Variants in MALAT1 observed in about 807,000 individuals in gnomAD.
MALAT1 encodes the protein metastasis associated lung adenocarcinoma transcript 1, also known as hepcarcin.
chr11:65,504,699 C>T, intron 3 of MALAT1: 1 of 518,888 alleles, frequency 1.9e-6, no homozygotes, highest in Non-Finnish European at 3.8e-6. Context: ...TCCAAACAAG[C>T]AACAGTCTTC....
chr11:65,498,518 A>G (rs1218115712), intron 1 of MALAT1: 2 of 517,056 alleles, frequency 3.9e-6, no homozygotes, highest in Non-Finnish European at 7.7e-6. Context: ...CGAACAAAAA[A>G]GCAAAACGTG....
At chr11:65,503,714 TCTC>T (rs779680579) in exon 3 of MALAT1, 1 of 517,572 alleles carries the variant, frequency 1.9e-6, no homozygotes, top group Non-Finnish European at 3.9e-6. Context: ...GGGGGATTCT[TCTC>T]TAATCTTTCA....
chr11:65,500,258 G>C (rs779234085), exon 3 of MALAT1: 3 of 518,488 alleles, frequency 5.8e-6, no homozygotes, highest in Non-Finnish European at 1.2e-5. Context: ...TAGTAGCTTA[G>C]TTTGAAAAAT....
chr11:65,502,421 A>G, exon 3 of MALAT1: 1 of 503,950 alleles, frequency 2.0e-6, no homozygotes, highest in South Asian at 1.5e-5. Flanking sequence ...GTTGTGTGTA[A>G]GCAAGTTTTT....
chr11:65,498,145 GT>G (rs778378559), intron 1 of MALAT1: 3 of 518,948 alleles, frequency 5.8e-6, no homozygotes, highest in Non-Finnish European at 1.2e-5. Flanking sequence ...CCAGAGCAGT[GT>G]AAACACTTCT....
chr11:65,504,474 A>G (rs1358139395), intron 3 of MALAT1: 2 of 518,880 alleles, frequency 3.9e-6, no homozygotes, highest in Non-Finnish European at 7.7e-6. Flanking sequence ...TGCTTGGAGT[A>G]GTGATTGTTG....
chr11:65,498,847 A>G (rs1565673148), intron 2 of MALAT1: 2 of 518,572 alleles, frequency 3.9e-6, no homozygotes, highest in East Asian at 5.4e-5. Flanking sequence ...CACGCTAGTA[A>G]TTTAAGTATT....
At position 65,500,732 on chromosome 11, in the gene MALAT1, T is replaced by C. The variant is rs111827801; in HGVS notation, n.1995T>C. 146 of 519,012 alleles carry C rather than the reference T, an allele frequency of 2.8e-4. 1 individual carries two copies. Among genetic ancestry groups the C allele is most frequent in the Middle Eastern group, 2.2e-3 (7 of 3,146 alleles). 32.2% of individuals were successfully genotyped at this position (519,012 alleles called of 1,614,324 possible). A position where few individuals can be genotyped will look rare whatever the true frequency, so the allele number is the denominator to read the frequency against. On this transcript the variant is annotated non_coding_transcript_exon_variant, in exon 3 of 4. Transcript: ENST00000619449. The stretch of plus-strand genomic sequence containing the variant: ...AGAGGATCCTAGACCAGCATGCCAG[T>C]GTGCCAAGGCCACAGGGAAAGCGAG...
chr11:65,505,235 G>T (rs1281437762), intron 3 of MALAT1: 3 of 518,314 alleles, frequency 5.8e-6, no homozygotes, highest in African/African-American at 5.8e-5. Flanking sequence ...CAACCATGGA[G>T]CCTTCCTGTG....
At chr11:65,498,099 A>G (rs1158486719) in intron 1 of MALAT1, 2 of 518,974 alleles carry the variant, frequency 3.9e-6, no homozygotes, top group Admixed American at 3.9e-5. Flanking sequence ...GGCATAACAC[A>G]GAATCTGCAA....
intron 3 of MALAT1, chr11:65,505,247 C>T (rs779568862): frequency 5.0e-5 from 26 of 518,008 alleles, no homozygotes; most frequent in Admixed American, 4.3e-4. Flanking sequence ...CTTCCTGTGG[C>T]AGGAGAGACA....
intron 2 of MALAT1, chr11:65,498,754 G>T (rs1387885530): frequency 1.9e-6 from 1 of 518,846 alleles, no homozygotes; most frequent in Non-Finnish European, 3.8e-6. Context: ...AAGTTCCGGG[G>T]GTTTTGTGAG....
exon 3 of MALAT1, chr11:65,502,745 T>G: frequency 1.9e-6 from 1 of 516,190 alleles, no homozygotes; most frequent in Non-Finnish European, 3.9e-6. Flanking sequence ...CAGAAAAGAT[T>G]ATATGTCATA....
At chr11:65,501,280 C>A (rs767050133) in exon 3 of MALAT1, 1 of 517,178 alleles carries the variant, frequency 1.9e-6, no homozygotes, top group East Asian at 5.5e-5. Flanking sequence ...TCCCTTAGGT[C>A]TGTCTAGAAT....
At chr11:65,499,719 T>TA in exon 3 of MALAT1, 1 of 431,720 alleles carries the variant, frequency 2.3e-6, no homozygotes, top group East Asian at 7.2e-5. Context: ...GATAGGGAAA[T>TA]TAGAAGATAA....
chr11:65,503,612 A>T (rs1025835761), exon 3 of MALAT1: 1 of 508,060 alleles, frequency 2.0e-6, no homozygotes, highest in South Asian at 1.5e-5. Flanking sequence ...ATAATAAACT[A>T]TTTTTATTAG....
At chr11:65,501,916 TGTTTA>T (rs768716470) in exon 3 of MALAT1, 2 of 517,534 alleles carry the variant, frequency 3.9e-6, no homozygotes, top group Admixed American at 3.9e-5. Flanking sequence ...TTTAGGTAAT[TGTTTA>T]GTTTATGATT....
At chr11:65,502,448 A>G in exon 3 of MALAT1, 1 of 499,726 alleles carries the variant, frequency 2.0e-6, no homozygotes, top group Non-Finnish European at 3.9e-6. Flanking sequence ...TGTAGGAGAA[A>G]TACTTTTCCA....
chr11:65,502,491 G>A (rs762654318), exon 3 of MALAT1: 2 of 485,204 alleles, frequency 4.1e-6, no homozygotes, highest in Admixed American at 2.5e-5. Context: ...GTTAAGGTAT[G>A]CTTCAAAAAT....
Sources: allele counts gnomAD v4.1 joint callset, GRCh38; gene constraint gnomAD v4.1.1; transcripts MANE v1.5; gene names NCBI Gene and HGNC (gene_info 2026-07-23, HGNC 2026-07-21).